RANBP9: variants seen among roughly 807,000 people sequenced by gnomAD.
The protein encoded by RANBP9 is RAN binding protein 9, also known as ran-binding protein 9.
Under a neutral mutation model 84.3 loss-of-function variants are expected in RANBP9, and 15 were observed. The ratio of observed to expected loss-of-function variants is 0.18; its 90% CI spans 0.12 to 0.27. The LOEUF (loss-of-function observed/expected upper bound fraction) is 0.27, where lower values mean the gene tolerates loss of function less well. RANBP9 is among the 10% of genes least tolerant of loss of function. The pLI, the probability that RANBP9 is intolerant of heterozygous loss-of-function variation, is 1.00. For missense variants in RANBP9, 809 were observed against 912.8 expected (o/e 0.89, Z 1.46); for synonymous variants, 392 against 349.6 (o/e 1.12, Z -1.35).
chr6:13,676,245 T>G (rs1349797911), intron 2 of RANBP9, among the ~76,000 whole-genome samples: 1 of 152,148 alleles, frequency 6.6e-6, no homozygotes, highest in Non-Finnish European at 1.5e-5. Flanking sequence ...TTATTTTTTT[T>G]TATTGTGGTT....
chr6:13,711,450 A>AGCTGCTGCTGCTGTT lies in RANBP9; in HGVS notation c.41_55dup (p.Gln14_Gln18dup), dbSNP rs947392323. 54 of 1,215,658 alleles carry AGCTGCTGCTGCTGTT rather than the reference A, an allele frequency of 4.4e-5. 1 individual carries two copies. The highest frequency in any genetic ancestry group is 3.3e-4 in the Middle Eastern group (1 of 3,028). The allele number at this position is 1,215,658 out of a possible 1,614,324, so 75.3% of individuals were successfully genotyped here. A position where few individuals can be genotyped will look rare whatever the true frequency, so the allele number is the denominator to read the frequency against. ...CAAGGCCGCCGGCGGTGGCGGCGAC[A>AGCTGCTGCTGCTGTT]GCTGCTGCTGCTGTTGCTGCTGCTG... On this transcript the variant is annotated inframe_insertion, in exon 1 of 14. Transcript: ENST00000011619.
intron 11 of RANBP9, 96 bp downstream of exon 11, chr6:13,634,335 C>A: frequency 7.1e-7 from 1 of 1,404,276 alleles, no homozygotes; most frequent in Non-Finnish European, 9.7e-7. Context: ...ATCTTTAAAT[C>A]TGGTTTATGC....
At chr6:13,664,089 T>A (rs1207499518) in intron 2 of RANBP9, among the ~76,000 whole-genome samples, 1 of 152,162 alleles carries the variant, frequency 6.6e-6, no homozygotes, top group Non-Finnish European at 1.5e-5. Context: ...AAGCTGGCTC[T>A]ATGTACAGAT....
intron 2 of RANBP9, among the ~76,000 whole-genome samples, chr6:13,682,419 CAA>C (rs1665025938): frequency 6.9e-6 from 1 of 145,330 alleles, no homozygotes; most frequent in South Asian, 2.1e-4. Flanking sequence ...AAAAAGACTG[CAA>C]AAAAACATAC....
chr6:13,693,216 A>G (rs566534083), intron 2 of RANBP9, among the ~76,000 whole-genome samples: 15 of 152,346 alleles, frequency 9.8e-5, no homozygotes, highest in Admixed American at 4.6e-4. Flanking sequence ...AAGGGCATGC[A>G]TAAGGAACTA....
chr6:13,705,178 C>A (rs1229804322), intron 1 of RANBP9, among the ~76,000 whole-genome samples: 1 of 151,914 alleles, frequency 6.6e-6, no homozygotes, highest in Non-Finnish European at 1.5e-5. Context: ...CCAAGGCAGG[C>A]GGATCACTTG....
At chr6:13,653,150 A>G (rs994331464) in intron 4 of RANBP9, among the ~76,000 whole-genome samples, 2 of 152,192 alleles carry the variant, frequency 1.3e-5, no homozygotes, top group African/African-American at 4.8e-5. Flanking sequence ...GGGAAAATAC[A>G]GTATATTTTT....
intron 2 of RANBP9, among the ~76,000 whole-genome samples, chr6:13,676,237 A>AT (rs577042360): frequency 1.6e-4 from 24 of 151,286 alleles, no homozygotes; most frequent in East Asian, 1.4e-3. Context: ...TGCATTCATT[A>AT]TTTTTTTTTA....
chr6:13,625,849 T>C (rs1479395563), intron 12 of RANBP9, 85 bp from the exon 13 acceptor site: 20 of 952,836 alleles, frequency 2.1e-5, no homozygotes, highest in African/African-American at 6.4e-5. Flanking sequence ...AGGTAAAATA[T>C]GGCTTCCAGG....
At chr6:13,634,652 T>C (rs1412351401) in intron 10 of RANBP9, 100 bp from the exon 11 acceptor site, 1 of 1,092,556 alleles carries the variant, frequency 9.2e-7, no homozygotes, top group African/African-American at 1.6e-5. Flanking sequence ...ATAAACTAAT[T>C]TCATAAGGCA....
At chr6:13,706,713 C>T (rs1311304732) in intron 1 of RANBP9, among the ~76,000 whole-genome samples, 1 of 143,076 alleles carries the variant, frequency 7.0e-6, no homozygotes, top group Non-Finnish European at 1.5e-5. Context: ...AAAAAAAGGA[C>T]AATTCAGGCC....
At chr6:13,649,682 G>A (rs1455384438) in intron 5 of RANBP9, among the ~76,000 whole-genome samples, 1 of 151,868 alleles carries the variant, frequency 6.6e-6, no homozygotes, top group African/African-American at 2.4e-5. Flanking sequence ...ATTTTCATCA[G>A]CATACTCAAT....
intron 11 of RANBP9, 154 bp from the exon 12 acceptor site, chr6:13,632,675 G>C (rs1764823548): frequency 1.4e-6 from 1 of 709,806 alleles, no homozygotes; most frequent in South Asian, 1.9e-5. Flanking sequence ...TTTTTAATAT[G>C]AAACTGCAGC....
intron 4 of RANBP9, among the ~76,000 whole-genome samples, chr6:13,653,536 A>C (rs1436900678): frequency 6.6e-6 from 1 of 152,172 alleles, no homozygotes; most frequent in Non-Finnish European, 1.5e-5. Context: ...AACAAACATT[A>C]AAACCAAGCC....
intron 4 of RANBP9, among the ~76,000 whole-genome samples, chr6:13,653,340 T>C (rs1254392515): frequency 6.6e-6 from 1 of 152,182 alleles, no homozygotes; most frequent in African/African-American, 2.4e-5. Context: ...AATGGCAATA[T>C]CATTGGAATA....
chr6:13,705,875 A>AAAAAAAAAAAAAAAAAAAG (rs1554107633), intron 1 of RANBP9, among the ~76,000 whole-genome samples: 4 of 150,070 alleles, frequency 2.7e-5, no homozygotes, highest in African/African-American at 1.0e-4. Context: ...TCTCAAAAAA[A>AAAAAAAAAAAAAAAAAAAG]AAAAAAAAAA....
At chr6:13,643,853 G>A (rs1181001567) in intron 6 of RANBP9, among the ~76,000 whole-genome samples, 1 of 152,108 alleles carries the variant, frequency 6.6e-6, no homozygotes, top group African/African-American at 2.4e-5. Context: ...GGGACGAAGT[G>A]TGATTTCAGA....
At chr6:13,704,903 GCTC>G (rs949925424) in intron 1 of RANBP9, among the ~76,000 whole-genome samples, 10 of 151,784 alleles carry the variant, frequency 6.6e-5, no homozygotes, top group East Asian at 1.9e-4. Flanking sequence ...TGGGTTATAC[GCTC>G]CTCCTATTTT....
intron 1 of RANBP9, among the ~76,000 whole-genome samples, chr6:13,701,895 A>T (rs1273338282): frequency 6.6e-6 from 1 of 152,142 alleles, no homozygotes; most frequent in Non-Finnish European, 1.5e-5. Flanking sequence ...ACTATTATCA[A>T]AGAACAGTCT....
Sources: allele counts gnomAD v4.1 joint callset (sites outside exome capture counted in the v4.1 genomes callset), GRCh38; gene constraint gnomAD v4.1.1; transcripts MANE v1.5; gene names NCBI Gene and HGNC (gene_info 2026-07-23, HGNC 2026-07-21).